The following CCDC91 variants were observed in gnomAD, a reference collection of about 807,000 sequenced individuals.
CCDC91 encodes the protein coiled-coil domain-containing protein 91.
Under a neutral mutation model 63.2 loss-of-function variants are expected in CCDC91, and 48 were observed. The observed-to-expected ratio is 0.76, with a 90% confidence interval of 0.60 to 0.97. The LOEUF is 0.97. Among genes scored for constraint, CCDC91 ranks in the 50% least tolerant of loss-of-function variants. The pLI is 0.00. For synonymous variants in CCDC91, 167 were observed against 165.8 expected (o/e 1.01, Z -0.06); for missense variants, 500 against 494.6 (o/e 1.01, Z -0.10).
intron 11 of CCDC91, among the ~76,000 whole-genome samples, chr12:28,457,136 A>G (rs760382990): frequency 5.1e-4 from 78 of 152,010 alleles, no homozygotes; most frequent in Admixed American, 1.6e-3. Flanking sequence ...CTTTCTAGGA[A>G]GCTCAGGTCA....
chr12:28,231,897 A>G, intron 1 of CCDC91, among the ~76,000 whole-genome samples: 1 of 152,162 alleles, frequency 6.6e-6, no homozygotes, highest in South Asian at 2.1e-4. Flanking sequence ...TCCCAGCTGT[A>G]AATTAGGAAC....
chr12:28,442,542 C>G (rs1219186023), intron 8 of CCDC91, among the ~76,000 whole-genome samples: 1 of 152,074 alleles, frequency 6.6e-6, no homozygotes, highest in Non-Finnish European at 1.5e-5. Flanking sequence ...TTAGAGTGAT[C>G]TGAAAAAGAT....
intron 6 of CCDC91, among the ~76,000 whole-genome samples, chr12:28,348,441 G>A (rs1370263101): frequency 6.6e-6 from 1 of 152,218 alleles, no homozygotes; most frequent in African/African-American, 2.4e-5. Context: ...CCCCAAGGCA[G>A]CACACAGGGA....
Position 28,418,323 on chromosome 12 carries a change from TA to T in CCDC91, c.762+26913del, listed in dbSNP as rs367921686. On this transcript the variant is annotated intron_variant, in intron 8 of 12. Transcript: ENST00000536442. ...AGAAACTGACAACAATTGCTAAAGC[TA>T]GATAAAAATTTAAAAATGAAATAAA... 2.2e-4 allele frequency among the ~76,000 whole-genome samples: 33 copies of T among 152,254 alleles called. No individual in the cohort carries two copies. In the East Asian group the frequency reaches 5.6e-3, roughly 26 times the overall value.
At chr12:28,196,646 A>G (rs1344374874) in intron 1 of CCDC91, among the ~76,000 whole-genome samples, 3 of 152,214 alleles carry the variant, frequency 2.0e-5, no homozygotes, top group Non-Finnish European at 2.9e-5. Context: ...TTAGAGCTTT[A>G]AAATTTAATC....
chr12:28,243,588 A>C (rs997599349), intron 1 of CCDC91, among the ~76,000 whole-genome samples: 5 of 152,310 alleles, frequency 3.3e-5, no homozygotes, highest in African/African-American at 1.2e-4. Flanking sequence ...AAGGGTATAC[A>C]ATATATGAAG....
intron 3 of CCDC91, among the ~76,000 whole-genome samples, chr12:28,302,278 A>G (rs969644073): frequency 2.6e-5 from 4 of 151,960 alleles, no homozygotes; most frequent in African/African-American, 7.2e-5. Flanking sequence ...GAATAATGGG[A>G]TAGGTGTGAA....
intron 12 of CCDC91, among the ~76,000 whole-genome samples, chr12:28,539,984 T>C (rs1235634527): frequency 2.0e-5 from 3 of 152,130 alleles, no homozygotes; most frequent in African/African-American, 7.2e-5. Flanking sequence ...GTTACCTTGG[T>C]TTAATTTTGA....
At chr12:28,490,713 C>T (rs1041588387) in intron 12 of CCDC91, among the ~76,000 whole-genome samples, 2 of 151,814 alleles carry the variant, frequency 1.3e-5, no homozygotes, top group African/African-American at 4.8e-5. Flanking sequence ...AAAACTTATT[C>T]ACTATTTCTC....
At chr12:28,200,327 C>T (rs1272417135) in intron 1 of CCDC91, among the ~76,000 whole-genome samples, 9 of 144,318 alleles carry the variant, frequency 6.2e-5, no homozygotes, top group East Asian at 2.0e-4. Flanking sequence ...GGGTGTTTCT[C>T]GCAGAGGGGG....
intron 6 of CCDC91, among the ~76,000 whole-genome samples, chr12:28,309,224 A>AT (rs1939063731): frequency 6.6e-6 from 1 of 152,060 alleles, no homozygotes; most frequent in Non-Finnish European, 1.5e-5. Flanking sequence ...ACATTGTTTA[A>AT]TGTGCCCACC....
intron 11 of CCDC91, among the ~76,000 whole-genome samples, chr12:28,466,750 G>A (rs1169882773): frequency 6.6e-6 from 1 of 152,046 alleles, no homozygotes; most frequent in Non-Finnish European, 1.5e-5. Flanking sequence ...TGACCTTTAT[G>A]AGCAATAAGA....
At chr12:28,194,449 C>T (rs11049431) in intron 1 of CCDC91, among the ~76,000 whole-genome samples, 21,795 of 152,122 alleles carry the variant, frequency 0.14, 2,049 homozygotes, top group Non-Finnish European at 0.22. Flanking sequence ...GTTTGTTCCT[C>T]CAGAAGTTCA....
chr12:28,465,134 G>C (rs1950490785), intron 11 of CCDC91, among the ~76,000 whole-genome samples: 1 of 152,198 alleles, frequency 6.6e-6, no homozygotes, highest in South Asian at 2.1e-4. Flanking sequence ...CCTTTGGAAA[G>C]GGGAGGGAAG....
Position 28,415,368 on chromosome 12 carries a change from C to A in CCDC91, c.762+23957C>A, listed in dbSNP as rs562761478. Among the ~76,000 whole-genome samples, 8 of 152,188 alleles carry A rather than the reference C, an allele frequency of 5.3e-5. No individual in the cohort carries two copies. The East Asian group carries it at 1.4e-3, about 26-fold the overall frequency. On this transcript the variant is annotated intron_variant, in intron 8 of 12. Transcript: ENST00000536442. ...CCTCCCGAGTAGCTGGGATTATAGG[C>A]ATGCACCACCGTGCCCGGCTAATTT...
chr12:28,406,952 T>C (rs1946992374), intron 8 of CCDC91, among the ~76,000 whole-genome samples: 2 of 152,140 alleles, frequency 1.3e-5, no homozygotes, highest in African/African-American at 4.8e-5. Context: ...AAATTCCCAG[T>C]GTTGGAGTTG....
intron 6 of CCDC91, among the ~76,000 whole-genome samples, chr12:28,354,615 CAA>C (rs1217114219): frequency 2.6e-5 from 4 of 152,074 alleles, no homozygotes; most frequent in Admixed American, 1.3e-4. Context: ...AGATAAATGA[CAA>C]GAGCATTAAA....
chr12:28,502,405 A>G (rs1246097508), intron 12 of CCDC91, among the ~76,000 whole-genome samples: 2 of 151,950 alleles, frequency 1.3e-5, no homozygotes, highest in Admixed American at 6.6e-5. Context: ...AAGGAGAACT[A>G]CAAAGCACTG....
At chr12:28,433,578 G>A (rs137928615) in intron 8 of CCDC91, among the ~76,000 whole-genome samples, 1 of 151,912 alleles carries the variant, frequency 6.6e-6, no homozygotes, top group Non-Finnish European at 1.5e-5. Context: ...GTTGATTCAT[G>A]TGCCAGTATC....
Sources: allele counts gnomAD v4.1 joint callset (sites outside exome capture counted in the v4.1 genomes callset), GRCh38; gene constraint gnomAD v4.1.1; transcripts MANE v1.5; gene names NCBI Gene and HGNC (gene_info 2026-07-23, HGNC 2026-07-21).